The following SMTN variants were observed in gnomAD, a reference collection of about 807,000 sequenced individuals.
SMTN encodes smoothelin.
A neutral mutation model predicts 102.0 loss-of-function variants in SMTN; 58 were observed. That is an observed-to-expected ratio of 0.57 (90% CI 0.46 to 0.71). The LOEUF (loss-of-function observed/expected upper bound fraction) is 0.71. Among genes scored for constraint, SMTN ranks in the 30% least tolerant of loss-of-function variants. The probability of loss-of-function intolerance (pLI) is 0.00; values close to 1 mark genes in which losing one functional copy is unlikely to be tolerated. For synonymous variants in SMTN, 478 were observed against 497.9 expected, an observed-to-expected ratio of 0.96 and a Z score of 0.53; for missense variants, 1,185 against 1,241.7, an observed-to-expected ratio of 0.95 and a Z score of 0.69.
In SMTN at chr22:31,088,739, G is replaced by T; in HGVS notation, c.335G>T (p.Arg112Leu). 6.2e-7 allele frequency: 1 copy of T among 1,613,450 alleles called. No homozygotes were observed. Among genetic ancestry groups the T allele is most frequent in the African/African-American group, 1.3e-5 (1 of 75,042 alleles). Residue 112 changes from arginine (R) to leucine (L), a missense_variant, in exon 5 of 21, where the codon CGA (arginine) becomes CTA (leucine). Physicochemically the swap from Arg to Leu is moderately radical, Grantham distance 102. Around this residue, in one of 2 missense-constraint regions of SMTN, gnomAD observed 1,096 missense variants for 1,112.7 expected, o/e 0.98. Coordinates refer to ENST00000333137, the MANE Select transcript of SMTN (RefSeq NM_134269.3). ...GAGTATGAGGAGCGCAAGCTGATCC[G>T]AGCTGCCATCCGCCGTGTACGGGCT... is the stretch of plus-strand genomic sequence containing the variant. ...AGEYEERKLI[R>L]AAIRRVRAQE...
Position 31,088,954 on chromosome 22 carries a change from G to A in SMTN, c.456G>A (p.Arg152=), listed in dbSNP as rs1169007290. The change falls in exon 6 of 21, where the codon AGG becomes AGA. Residue 152 remains arginine, a synonymous_variant. Transcript: ENST00000333137. ...REDSKGLAAH[R]LEQCEVPERE... Reference sequence around the variant, plus strand: ...ACAGCAAGGGGCTAGCGGCACACAGGCTGGAACAGTGTGAGGTAAGGAGGG... The same window carrying A: ...ACAGCAAGGGGCTAGCGGCACACAGACTGGAACAGTGTGAGGTAAGGAGGG... 6 of 1,613,440 alleles carry A rather than the reference G, an allele frequency of 3.7e-6. No individual in the cohort carries two copies. In the African/African-American group the frequency reaches 4.0e-5, roughly 11 times the overall value.
upstream of SMTN, among the ~76,000 whole-genome samples, chr22:31,079,942 A>G (rs1368341957): frequency 1.3e-5 from 2 of 152,076 alleles, no homozygotes; most frequent in African/African-American, 4.8e-5. Context: ...TTGTATTTTT[A>G]GTAGAGACGG....
Position 31,091,340 on chromosome 22 carries a change from G to A in SMTN, c.1317G>A (p.Glu439=). 1 of 1,606,942 alleles carries A rather than the reference G, an allele frequency of 6.2e-7. No individual in the cohort carries two copies. Among genetic ancestry groups the A allele is most frequent in the Non-Finnish European group, 8.5e-7 (1 of 1,178,538 alleles). The part of the protein sequence containing the change: ...RAGGPVARSE[E]PGAPLPVAVG... ...GGGGGCCTGTGGCACGTTCAGAGGA[G>A]CCTGGTGCCCCGCTGCCCGTGGCCG... is the stretch of plus-strand genomic sequence containing the variant. The change falls in exon 10 of 21, where the codon GAG becomes GAA. Residue 439 remains glutamate, a synonymous_variant. Transcript: ENST00000333137.
chr22:31,094,343 C>T (rs368555021), intron 11 of SMTN, among the ~76,000 whole-genome samples: 18 of 152,266 alleles, frequency 1.2e-4, no homozygotes, highest in African/African-American at 3.9e-4. Flanking sequence ...CAGAGGAGAG[C>T]TTCATAGAGG....
chr22:31,099,914 C>T lies in SMTN; in HGVS notation c.2603+18C>T. 2 of 1,611,930 alleles carry T rather than the reference C, an allele frequency of 1.2e-6. No homozygotes were observed. Among genetic ancestry groups the T allele is most frequent in the South Asian group, 1.1e-5 (1 of 91,024 alleles). ...TCTGCGGAGTAAGTGTGGGCCCTGG[C>T]CCTGCTAATGTTGCTGCACATCTGG... On this transcript the variant is annotated intron_variant, in intron 19 of 20. Coordinates refer to ENST00000333137, the MANE Select transcript of SMTN (RefSeq NM_134269.3).
chr22:31,076,995 G>A (rs2042145271), upstream of SMTN, among the ~76,000 whole-genome samples: 4 of 152,248 alleles, frequency 2.6e-5, no homozygotes. Flanking sequence ...GGGCCTGAAG[G>A]AGGCGAGTCA....
intron 6 of SMTN, 116 bp downstream of exon 6, chr22:31,089,085 C>A: frequency 1.2e-6 from 1 of 810,952 alleles, no homozygotes; most frequent in Non-Finnish European, 2.0e-6. Context: ...CCCCTGCCAT[C>A]CAGCCTCTAT....
At chr22:31,085,387 G>C in intron 2 of SMTN, 1 of 1,180,558 alleles carries the variant, frequency 8.5e-7, no homozygotes, top group Non-Finnish European at 1.2e-6. Flanking sequence ...CACCGCCGGC[G>C]GGACCCCCAT....
intron 20 of SMTN, 58 bp downstream of exon 20, chr22:31,101,107 C>A: frequency 1.3e-6 from 2 of 1,498,090 alleles, no homozygotes; most frequent in Non-Finnish European, 1.8e-6. Context: ...TCAGCAAGGC[C>A]AGAGAGGGTC....
At chr22:31,099,449 G>A in intron 18 of SMTN, 1 of 587,182 alleles carries the variant, frequency 1.7e-6, no homozygotes, top group Non-Finnish European at 3.0e-6. Flanking sequence ...CCTCCTTGTT[G>A]CTCTGTAGGA....
rs200308430 is a variant in SMTN at position 31,098,729 on chromosome 22, G to A, written c.2222G>A (p.Arg741Gln). 19 of 1,613,258 alleles carry A rather than the reference G, an allele frequency of 1.2e-5. No homozygotes were observed. The highest frequency in any genetic ancestry group is 8.8e-5 in the South Asian group (8 of 91,076). The stretch of plus-strand genomic sequence containing the variant: ...GGCAGCCTGGCGGCGCTCGAGAAAC[G>A]GCAGGCCGAGAAGAAGAAAGAGCTG... ...RAGSLAALEK[R>Q]QAEKKKELMK... Residue 741 changes from arginine (R) to glutamine (Q), a missense_variant, in exon 17 of 21, where the codon CGG becomes CAG. Transcript: ENST00000333137.
rs2043162438 is a variant in SMTN at position 31,091,831 on chromosome 22, G to A, written c.1616G>A (p.Gly539Glu). The change falls in exon 11 of 21, where the codon GGA becomes GAA. Residue 539 changes from glycine (G) to glutamate (E), a missense_variant. This residue lies in a region of SMTN where 1,096 missense variants were observed against 1,112.7 expected (regional missense o/e 0.98). Transcript: ENST00000333137. ...AGCCATGCCCCCCCCAGTAGCCGAG[G>A]AGGCTGCAGCATCAAGGTGAGCCCC... ...SFSHAPPSSR[G>E]GCSIKMEAEP... The A allele has an allele frequency of 6.3e-7, 1 of 1,594,144 alleles. No individual in the cohort carries two copies. Among genetic ancestry groups the A allele is most frequent in the East Asian group, 2.3e-5 (1 of 43,778 alleles).
intron 18 of SMTN, chr22:31,099,412 C>T: frequency 1.7e-6 from 1 of 591,654 alleles, no homozygotes; most frequent in Non-Finnish European, 3.0e-6. Flanking sequence ...GGGCAGGGTT[C>T]AAGGCCGGAT....
At position 31,097,047 on chromosome 22, in the gene SMTN, G is replaced by T; in HGVS notation, c.2076G>T (p.Val692=). 6.2e-7 allele frequency: 1 copy of T among 1,614,112 alleles called. No individual in the cohort carries two copies. Among genetic ancestry groups the T allele is most frequent in the East Asian group, 2.2e-5 (1 of 44,884 alleles). ...CCACCACAGTGGAGTCGAGTTTCGT[G>T]AGGCGCTCGGAGAGTAAGGCCACCT... ...ARTTTVESSF[V]RRSENGSGST... The change falls in exon 15 of 21, where the codon GTG becomes GTT. Residue 692 remains valine, a synonymous_variant. Coordinates refer to ENST00000333137, the MANE Select transcript of SMTN (RefSeq NM_134269.3).
intron 11 of SMTN, 117 bp downstream of exon 11, chr22:31,091,964 G>A (rs941890270): frequency 2.3e-5 from 23 of 995,182 alleles, no homozygotes; most frequent in African/African-American, 3.3e-5. Flanking sequence ...CAGAGAAACC[G>A]AGGCCCAGAG....
rs1227020817 is a variant in SMTN at position 31,098,660 on chromosome 22, C to A, written c.2160-7C>A. On this transcript the variant is annotated splice_polypyrimidine_tract_variant and splice_region_variant and intron_variant, in intron 16 of 20. Coordinates refer to ENST00000333137, the MANE Select transcript of SMTN (RefSeq NM_134269.3). ...CCCTGCCTAACATGCGCCTCCCCAA[C>A]CCCTAGCATCTTCGACCGCGAGGAC... 1 of 1,613,004 alleles carries A rather than the reference C, an allele frequency of 6.2e-7. No individual in the cohort carries two copies. The highest frequency in any genetic ancestry group is 8.5e-7 in the Non-Finnish European group (1 of 1,179,670).
At chr22:31,099,203 C>G (rs774902252) in intron 18 of SMTN, 24 bp downstream of exon 18, 436 of 1,520,286 alleles carry the variant, frequency 2.9e-4, no homozygotes, top group Non-Finnish European at 3.9e-4. Context: ...GGCCAGGGGG[C>G]CTGGAGGCCT....
In SMTN at chr22:31,090,971, C is replaced by A. The variant is rs146417865; in HGVS notation, c.948C>A (p.Pro316=). ...TCCTGTTCCTTCTAGAGTCCACCCC[C>A]CTTGCCAGCGGACCTTCCTCATTCC... is the stretch of plus-strand genomic sequence containing the variant. ...RQPAQNREST[P]LASGPSSFQR... Residue 316 remains proline, a synonymous_variant, in exon 10 of 21, where the codon CCC becomes CCA. Transcript: ENST00000333137. 18 of 1,613,200 alleles carry A rather than the reference C, an allele frequency of 1.1e-5. No homozygotes were observed. Among genetic ancestry groups the A allele is most frequent in the South Asian group, 6.6e-5 (6 of 91,024 alleles).
At chr22:31,068,637 G>A (rs1318011174) in intron 1 of SMTN, among the ~76,000 whole-genome samples, 2 of 152,176 alleles carry the variant, frequency 1.3e-5, no homozygotes, top group African/African-American at 4.8e-5. Flanking sequence ...TGAATCCAGT[G>A]GTTCATTTGT....
Sources: gnomAD v4.1 joint callset for allele counts (sites outside exome capture counted in the v4.1 genomes callset) on GRCh38, gnomAD v4.1.1 for gene constraint, gnomAD v4.1.1 regional missense constraint, MANE v1.5 for transcripts, NCBI Gene and HGNC (gene_info 2026-07-23, HGNC 2026-07-21) for gene names.